Variants in CTIF observed in about 807,000 individuals in gnomAD.
The protein encoded by CTIF is cap binding complex dependent translation initiation factor.
A neutral mutation model predicts 66.0 loss-of-function variants in CTIF; 21 were observed. The observed-to-expected ratio is 0.32, with a 90% CI of 0.23 to 0.46. The LOEUF is 0.46. CTIF is among the 20% of genes least tolerant of loss of function. The pLI is 1.00. For synonymous variants in CTIF, 345 were observed against 326.4 expected, an observed-to-expected ratio of 1.06 and a Z score of -0.62; for missense variants, 739 against 812.7, an observed-to-expected ratio of 0.91 and a Z score of 1.10.
intron 1 of CTIF, among the ~76,000 whole-genome samples, chr18:48,608,027 G>A (rs1376701847): frequency 6.6e-6 from 1 of 152,126 alleles, no homozygotes. Context: ...CCTCATTTTT[G>A]TAGGCATAGA....
At position 48,775,943 on chromosome 18, in the gene CTIF, G is replaced by A. The variant is rs550161068; in HGVS notation, c.1371+14254G>A. Among the ~76,000 whole-genome samples the A allele has an allele frequency of 8.5e-5, 13 of 152,340 alleles. No homozygotes were observed. The South Asian group carries it at 1.0e-3, about 12-fold the overall frequency. On this transcript the variant is annotated intron_variant, in intron 9 of 11. Transcript: ENST00000256413. ...CAGGTCACTGTAACCACACTGGCCC[G>A]TTCATTTTGCTGGCGCCTGCTTCTT...
intron 1 of CTIF, among the ~76,000 whole-genome samples, chr18:48,584,103 G>A (rs1386986604): frequency 6.6e-6 from 1 of 152,192 alleles, no homozygotes; most frequent in Admixed American, 6.5e-5. Flanking sequence ...GCTGGCTGCA[G>A]CCTTGTACCA....
chr18:48,767,673 A>C (rs1203109920), intron 9 of CTIF, among the ~76,000 whole-genome samples: 1 of 152,208 alleles, frequency 6.6e-6, no homozygotes, highest in Admixed American at 6.5e-5. Context: ...TTGTGAAAAG[A>C]CAACACAAAA....
chr18:48,781,323 G>A (rs1911192259), intron 9 of CTIF, among the ~76,000 whole-genome samples: 1 of 152,170 alleles, frequency 6.6e-6, no homozygotes, highest in South Asian at 2.1e-4. Context: ...GGCTGGGAGG[G>A]CAGAGGCGAC....
intron 7 of CTIF, among the ~76,000 whole-genome samples, chr18:48,748,287 G>A (rs1047561033): frequency 1.3e-5 from 2 of 152,084 alleles, no homozygotes; most frequent in African/African-American, 4.8e-5. Context: ...TCAAGGGTGA[G>A]CATGTGTGCC....
chr18:48,549,023 C>G (rs766733285), intron 1 of CTIF, among the ~76,000 whole-genome samples: 11 of 151,906 alleles, frequency 7.2e-5, no homozygotes, highest in Non-Finnish European at 1.5e-4. Context: ...TGCTGGGACA[C>G]AGATATAAAC....
intron 1 of CTIF, among the ~76,000 whole-genome samples, chr18:48,616,424 C>T (rs757567629): frequency 5.3e-5 from 8 of 152,120 alleles, no homozygotes; most frequent in Non-Finnish European, 1.0e-4. Context: ...TGCTCACTGG[C>T]GAGTCAGTAT....
At chr18:48,858,596 G>A (rs1304858928) in intron 11 of CTIF, among the ~76,000 whole-genome samples, 1 of 152,158 alleles carries the variant, frequency 6.6e-6, no homozygotes, top group African/African-American at 2.4e-5. Flanking sequence ...AAAATGAATG[G>A]GACAAGGCTG....
chr18:48,585,808 G>A (rs1013551588), intron 1 of CTIF, among the ~76,000 whole-genome samples: 3 of 152,158 alleles, frequency 2.0e-5, no homozygotes, highest in East Asian at 1.9e-4. Flanking sequence ...GGCTCAGAGC[G>A]TTTCAGCCGT....
chr18:48,849,819 C>T (rs1055725042), intron 10 of CTIF, among the ~76,000 whole-genome samples: 7 of 151,906 alleles, frequency 4.6e-5, no homozygotes, highest in Middle Eastern at 3.4e-3. Context: ...CTCTTGACAT[C>T]GTGATCCACC....
chr18:48,580,039 C>T (rs1278436809), intron 1 of CTIF, among the ~76,000 whole-genome samples: 1 of 152,264 alleles, frequency 6.6e-6, no homozygotes, highest in Admixed American at 6.5e-5. Flanking sequence ...ATCTGTCCAT[C>T]AATCAGTCTG....
chr18:48,590,562 C>A (rs1464175453), intron 1 of CTIF, among the ~76,000 whole-genome samples: 2 of 152,222 alleles, frequency 1.3e-5, no homozygotes, highest in African/African-American at 4.8e-5. Flanking sequence ...CAGTTAATGG[C>A]AGAGCCACTA....
intron 9 of CTIF, among the ~76,000 whole-genome samples, chr18:48,786,565 G>A (rs777639602): frequency 1.3e-5 from 2 of 152,178 alleles, no homozygotes; most frequent in African/African-American, 4.8e-5. Context: ...CTGGAACATA[G>A]AAAACAAGAA....
chr18:48,857,732 AT>A (rs1269457125), intron 11 of CTIF, 91 bp downstream of exon 11: 24 of 1,231,078 alleles, frequency 1.9e-5, no homozygotes, highest in Non-Finnish European at 2.5e-5. Flanking sequence ...TGTTGGAGGC[AT>A]TTACAAGTCC....
intron 9 of CTIF, among the ~76,000 whole-genome samples, chr18:48,790,660 C>T (rs961778618): frequency 3.9e-5 from 6 of 152,210 alleles, no homozygotes; most frequent in South Asian, 2.1e-4. Flanking sequence ...GAGGAGCAGA[C>T]GAAGGGAGGA....
chr18:48,760,356 T>G (rs1366619815), intron 8 of CTIF: 1 of 152,148 alleles, frequency 6.6e-6, no homozygotes, highest in Non-Finnish European at 1.5e-5. Flanking sequence ...CCTTGGAACT[T>G]GATCCCACCA....
At chr18:48,651,675 A>G (rs748759043) in intron 3 of CTIF, among the ~76,000 whole-genome samples, 8 of 152,204 alleles carry the variant, frequency 5.3e-5, no homozygotes, top group Non-Finnish European at 1.0e-4. Flanking sequence ...TCTTCTCAGC[A>G]CCACATCGCA....
chr18:48,789,025 G>T (rs2067736390), intron 9 of CTIF, among the ~76,000 whole-genome samples: 1 of 152,172 alleles, frequency 6.6e-6, no homozygotes, highest in African/African-American at 2.4e-5. Context: ...GCCTGAAGAA[G>T]GTGGCAAAGA....
intron 6 of CTIF, among the ~76,000 whole-genome samples, chr18:48,677,894 T>C (rs1357900110): frequency 6.6e-6 from 1 of 152,230 alleles, no homozygotes; most frequent in East Asian, 1.9e-4. Flanking sequence ...ACTTGAGTGC[T>C]GTCTGAGCTG....
Sources: gnomAD v4.1 joint callset for allele counts (sites outside exome capture counted in the v4.1 genomes callset) on GRCh38, gnomAD v4.1.1 for gene constraint, MANE v1.5 for transcripts, NCBI Gene and HGNC (gene_info 2026-07-23, HGNC 2026-07-21) for gene names.